The following MINDY4B variants were observed in gnomAD, a reference collection of about 807,000 sequenced individuals.
MINDY4B encodes inactive ubiquitin carboxyl-terminal hydrolase MINDY-4B.
MINDY4B carries 25 observed loss-of-function variants against 16.7 expected under a neutral mutation model. That is an observed-to-expected ratio of 1.49 (90% CI 1.09 to 2.09). The LOEUF (loss-of-function observed/expected upper bound fraction) is 2.09, where lower values mean the gene tolerates loss of function less well. Among genes scored for constraint, MINDY4B ranks in the 30% most tolerant of loss-of-function variants. The pLI, the probability that MINDY4B is intolerant of heterozygous loss-of-function variation, is 0.00. For synonymous variants in MINDY4B, 132 were observed against 61.9 expected (o/e 2.13, Z -5.32); for missense variants, 327 against 168.4 (o/e 1.94, Z -5.21).
At position 150,874,005 on chromosome 3, in the gene MINDY4B, A is replaced by ATTTTTT. The variant is rs558319330; in HGVS notation, c.1060-644_1060-639dup. ...GTACTTGTCAATCAATTTAGCCTTG[A>ATTTTTT]TTTTTTTTTTTTTTTTTTTTTTTTT... On this transcript the variant is annotated intron_variant, in intron 10 of 11. Transcript: ENST00000465419. Among the ~76,000 whole-genome samples, 78 of 81,984 alleles carry ATTTTTT rather than the reference A, an allele frequency of 9.5e-4. 4 individuals carry two copies. The highest frequency in any genetic ancestry group is 3.4e-3 in the African/African-American group (72 of 21,298). The allele number at this position is 81,984 out of a possible 152,430, so 53.8% of individuals were successfully genotyped here.
chr3:150,881,333 G>A (rs1711520097), intron 10 of MINDY4B, among the ~76,000 whole-genome samples: 1 of 151,908 alleles, frequency 6.6e-6, no homozygotes, highest in Admixed American at 6.6e-5. Flanking sequence ...GCAGTGAGCT[G>A]AGATGGCACC....
At chr3:150,895,525 T>C (rs929288001) in intron 3 of MINDY4B, among the ~76,000 whole-genome samples, 1 of 152,140 alleles carries the variant, frequency 6.6e-6, no homozygotes, top group Non-Finnish European at 1.5e-5. Context: ...GAGTACGCTG[T>C]CACGATCTTG....
rs1358726019 is a variant in MINDY4B, at chr3:150,885,372, C to G, written c.820G>C (p.Glu274Gln). The change falls in exon 8 of 12, where the codon GAA becomes CAA. Residue 274 changes from glutamate to glutamine, a missense_variant. Physicochemically the swap from Glu to Gln is conservative, Grantham distance 29. Coordinates refer to ENST00000465419, the MANE Select transcript of MINDY4B (RefSeq NM_001351281.2). ...GTAAACATCTGTAGAATTTACCTTTCAAATGTTCTAGAGAAGATCAGGCTG... is the reference window on the plus strand; with the variant it reads ...GTAAACATCTGTAGAATTTACCTTTGAAATGTTCTAGAGAAGATCAGGCTG... ...LYSLIFSRTF[E>Q]RLQMDLDVTT... The G allele has an allele frequency of 2.8e-6, 2 of 702,778 alleles. No homozygotes were observed. Among genetic ancestry groups the G allele is most frequent in the Non-Finnish European group, 5.2e-6 (2 of 384,830 alleles). The allele number at this position is 702,778 out of a possible 1,614,324, so 43.5% of individuals were successfully genotyped here. A position where few individuals can be genotyped will look rare whatever the true frequency, so the allele number is the denominator to read the frequency against.
chr3:150,884,282 T>G (rs1576611394), intron 8 of MINDY4B, among the ~76,000 whole-genome samples: 1 of 152,324 alleles, frequency 6.6e-6, no homozygotes, highest in South Asian at 2.1e-4. Flanking sequence ...CAAGGTGGAA[T>G]GTGGCTCCTG....
intron 7 of MINDY4B, among the ~76,000 whole-genome samples, chr3:150,886,765 C>T (rs1711631777): frequency 6.6e-6 from 1 of 152,188 alleles, no homozygotes; most frequent in Non-Finnish European, 1.5e-5. Context: ...TTCTCTGACT[C>T]TCCTGCCTCC....
chr3:150,900,754 A>G (rs1218767181), intron 3 of MINDY4B, among the ~76,000 whole-genome samples: 3 of 152,202 alleles, frequency 2.0e-5, no homozygotes, highest in African/African-American at 4.8e-5. Flanking sequence ...TTACCTTGGC[A>G]TAGTCATGGG....
In MINDY4B at chr3:150,891,047, C is replaced by T. The variant is rs1221485004; in HGVS notation, c.578G>A (p.Gly193Asp). The T allele has an allele frequency of 4.3e-6, 3 of 702,820 alleles. No individual in the cohort carries two copies. The highest frequency in any genetic ancestry group is 7.8e-6 in the Non-Finnish European group (3 of 384,822). 43.5% of individuals were successfully genotyped at this position (702,820 alleles called of 1,614,324 possible). A position where few individuals can be genotyped will look rare whatever the true frequency, so the allele number is the denominator to read the frequency against. ...AGCTGCTCCTGCAGCCCACAGGATG[C>T]CAGCAAGCGCCGCGGCCAAGGCTTG... is the stretch of plus-strand genomic sequence containing the variant. ...QEQALAAALAGILWAAGAAQK... is the reference protein window; with the variant it reads ...QEQALAAALADILWAAGAAQK... Residue 193 changes from glycine (G) to aspartate (D), a missense_variant, in exon 6 of 12, where the codon GGC (glycine) becomes GAC (aspartate). Gly to Asp is a moderately conservative substitution (Grantham distance 94). Transcript: ENST00000465419.
chr3:150,885,105 T>C (rs1711589099), intron 8 of MINDY4B, among the ~76,000 whole-genome samples: 1 of 152,244 alleles, frequency 6.6e-6, no homozygotes, highest in African/African-American at 2.4e-5. Flanking sequence ...AGCTTTGGTG[T>C]TGTCCACCAA....
chr3:150,885,290 T>C (rs1209459848), intron 8 of MINDY4B, 78 bp downstream of exon 8: 3 of 665,056 alleles, frequency 4.5e-6, no homozygotes, highest in Admixed American at 2.3e-5. Context: ...AATATGGAGA[T>C]TTTTCAATAC....
At chr3:150,884,757 G>A (rs1711580959) in intron 8 of MINDY4B, among the ~76,000 whole-genome samples, 3 of 152,076 alleles carry the variant, frequency 2.0e-5, no homozygotes, top group African/African-American at 7.2e-5. Flanking sequence ...TTCTTTCAAG[G>A]TTCAGAAGAA....
intron 11 of MINDY4B, 87 bp downstream of exon 11, chr3:150,873,100 T>G: frequency 1.6e-6 from 1 of 609,570 alleles, no homozygotes; most frequent in Non-Finnish European, 2.9e-6. Flanking sequence ...GGAGCTAGCA[T>G]GAATATCCAC....
chr3:150,880,878 T>A (rs539213865), intron 10 of MINDY4B, among the ~76,000 whole-genome samples: 1 of 152,336 alleles, frequency 6.6e-6, no homozygotes, highest in South Asian at 2.1e-4. Flanking sequence ...CACACGTGGT[T>A]GAAAGAAAAG....
At chr3:150,887,976 C>A (rs1215945186) in intron 7 of MINDY4B, among the ~76,000 whole-genome samples, 1 of 151,894 alleles carries the variant, frequency 6.6e-6, no homozygotes, top group Non-Finnish European at 1.5e-5. Flanking sequence ...GGCGTGGTGG[C>A]GGGCGCCTGT....
At chr3:150,901,040 C>T (rs972930115) in intron 3 of MINDY4B, 1 of 152,216 alleles carries the variant, frequency 6.6e-6, no homozygotes, top group Non-Finnish European at 1.5e-5. Flanking sequence ...GGAATTACTT[C>T]TTTTACAGGC....
chr3:150,894,133 T>C (rs530452495), intron 4 of MINDY4B, 53 bp downstream of exon 4: 25 of 635,166 alleles, frequency 3.9e-5, no homozygotes, highest in Non-Finnish European at 4.5e-5. Context: ...GAAGGATATA[T>C]GGATAAGGAA....
intron 3 of MINDY4B, 108 bp from the exon 4 acceptor site, chr3:150,894,413 C>T: frequency 1.7e-6 from 1 of 581,786 alleles, no homozygotes; most frequent in Non-Finnish European, 3.0e-6. Flanking sequence ...TTCCCTTCTA[C>T]ATTCAGGTTT....
intron 8 of MINDY4B, among the ~76,000 whole-genome samples, 168 bp from the exon 9 acceptor site, chr3:150,883,940 G>GC (rs1367407439): frequency 6.6e-6 from 1 of 152,208 alleles, no homozygotes; most frequent in East Asian, 1.9e-4. Context: ...ATCTGGGGTT[G>GC]CAGAGGTGGA....
chr3:150,883,559 T>A, intron 9 of MINDY4B, 141 bp downstream of exon 9: 1 of 613,738 alleles, frequency 1.6e-6, no homozygotes, highest in Non-Finnish European at 2.9e-6. Context: ...ACCGGATTGC[T>A]CTTTACTTAA....
intron 3 of MINDY4B, chr3:150,901,589 A>C (rs1183551799): frequency 1.4e-5 from 2 of 147,930 alleles, no homozygotes; most frequent in Non-Finnish European, 3.0e-5. Flanking sequence ...TTGCGGGATC[A>C]TGGCTAACTG....
Sources: allele counts gnomAD v4.1 joint callset (sites outside exome capture counted in the v4.1 genomes callset), GRCh38; gene constraint gnomAD v4.1.1; transcripts MANE v1.5; gene names NCBI Gene and HGNC (gene_info 2026-07-23, HGNC 2026-07-21).